Variants in ATAD1 observed in about 807,000 individuals in gnomAD.
The protein encoded by ATAD1 is ATPase family AAA domain containing 1.
Under a neutral mutation model 42.7 loss-of-function variants are expected in ATAD1, and 18 were observed. That is an observed-to-expected ratio of 0.42 (90% CI 0.29 to 0.63). ATAD1 has a LOEUF of 0.63. Among genes scored for constraint, ATAD1 ranks in the 20% least tolerant of loss-of-function variants. The probability of loss-of-function intolerance (pLI) is 0.19; values close to 1 mark genes in which losing one functional copy is unlikely to be tolerated. For synonymous variants in ATAD1, 132 were observed against 143.1 expected, an observed-to-expected ratio of 0.92 and a Z score of 0.55; for missense variants, 294 against 440.4, an observed-to-expected ratio of 0.67 and a Z score of 2.98.
At chr10:87,771,384 A>G (rs1396592823) in intron 6 of ATAD1, among the ~76,000 whole-genome samples, 2 of 152,168 alleles carry the variant, frequency 1.3e-5, no homozygotes, top group African/African-American at 4.8e-5. Context: ...TAATGAATAC[A>G]TGTTGAATGA....
At chr10:87,769,201 C>T (rs1739236041) in intron 7 of ATAD1, among the ~76,000 whole-genome samples, 2 of 152,310 alleles carry the variant, frequency 1.3e-5, no homozygotes, top group East Asian at 1.9e-4. Flanking sequence ...GTTCTGATGT[C>T]TTGCTTACAA....
chr10:87,770,121 CATCA>C (rs1394643188), intron 7 of ATAD1, among the ~76,000 whole-genome samples: 1 of 152,096 alleles, frequency 6.6e-6, no homozygotes, highest in Non-Finnish European at 1.5e-5. Context: ...AGTCCATAAC[CATCA>C]ATCTTTCAGA....
intron 2 of ATAD1, among the ~76,000 whole-genome samples, chr10:87,794,208 A>G (rs1229044598): frequency 2.6e-5 from 4 of 152,148 alleles, no homozygotes; most frequent in African/African-American, 9.7e-5. Context: ...CAAGAGACAA[A>G]TCTTGTCTCA....
chr10:87,753,372 A>C lies in ATAD1; in HGVS notation c.*1315T>G, dbSNP rs1008044215. 6.6e-6 allele frequency: 1 copy of C among 152,214 alleles called. No homozygotes were observed. The highest frequency in any genetic ancestry group is 2.4e-5 in the African/African-American group (1 of 41,454). 9.4% of individuals were successfully genotyped at this position (152,214 alleles called of 1,614,324 possible). On this transcript the variant is annotated 3_prime_UTR_variant, in exon 10 of 10. Coordinates refer to ENST00000680024, the MANE Select transcript of ATAD1 (RefSeq NM_001321967.2). ...TAAATTAATCCAGTGACACATGAAT[A>C]AAGATTTAGAGTTTTTAAAGAAATA...
At chr10:87,792,830 A>G in intron 2 of ATAD1, 75 bp from the exon 3 acceptor site, 1 of 1,091,556 alleles carries the variant, frequency 9.2e-7, no homozygotes, top group Non-Finnish European at 1.4e-6. Context: ...ATATATGTGA[A>G]GTCTAAAGAG....
intron 4 of ATAD1, among the ~76,000 whole-genome samples, 192 bp from the exon 5 acceptor site, chr10:87,784,862 G>A (rs886999600): frequency 6.6e-6 from 1 of 152,188 alleles, no homozygotes; most frequent in African/African-American, 2.4e-5. Context: ...TCAGTTAAGA[G>A]CATGTATTTG....
intron 6 of ATAD1, among the ~76,000 whole-genome samples, chr10:87,775,985 A>G (rs1331894302): frequency 6.6e-6 from 1 of 152,138 alleles, no homozygotes; most frequent in Non-Finnish European, 1.5e-5. Context: ...ACAGTTTTTT[A>G]AAAAAATGTA....
chr10:87,802,721 A>G (rs1299243818), intron 2 of ATAD1, among the ~76,000 whole-genome samples: 2 of 152,168 alleles, frequency 1.3e-5, no homozygotes, highest in African/African-American at 4.8e-5. Flanking sequence ...ATTAGAAGAA[A>G]GCAAATCAGT....
chr10:87,814,250 AAATGACT>A (rs1002374558), intron 2 of ATAD1, among the ~76,000 whole-genome samples, 181 bp downstream of exon 2: 51 of 152,262 alleles, frequency 3.3e-4, no homozygotes, highest in Admixed American at 2.2e-3. Context: ...ATATAGTAAA[AAATGACT>A]TGAAATAATG....
intron 9 of ATAD1, among the ~76,000 whole-genome samples, chr10:87,755,994 A>G (rs1181336977): frequency 6.6e-6 from 1 of 152,236 alleles, no homozygotes; most frequent in Non-Finnish European, 1.5e-5. Context: ...ACCAGTTGAC[A>G]GAGTAGCTTT....
upstream of ATAD1, among the ~76,000 whole-genome samples, chr10:87,821,894 A>C (rs1857638299): frequency 6.6e-6 from 1 of 152,210 alleles, no homozygotes; most frequent in Non-Finnish European, 1.5e-5. Flanking sequence ...TATTTTGAGA[A>C]ATTCTGCCCT....
chr10:87,802,300 C>T (rs1302296965), intron 2 of ATAD1, among the ~76,000 whole-genome samples: 2 of 152,188 alleles, frequency 1.3e-5, no homozygotes, highest in Non-Finnish European at 2.9e-5. Flanking sequence ...CTTATCTACA[C>T]AGTCCCTGTA....
At chr10:87,825,366 G>A (rs1483747218) in intron 1 of ATAD1, among the ~76,000 whole-genome samples, 1 of 146,092 alleles carries the variant, frequency 6.8e-6, no homozygotes, top group Non-Finnish European at 1.5e-5. Flanking sequence ...CTGGAGTGCA[G>A]TGGCGCAATC....
At chr10:87,815,548 T>C (rs1433278983) in intron 1 of ATAD1, among the ~76,000 whole-genome samples, 1 of 151,908 alleles carries the variant, frequency 6.6e-6, no homozygotes, top group Non-Finnish European at 1.5e-5. Context: ...TACATAAACA[T>C]GAAAAAAAAC....
intron 2 of ATAD1, among the ~76,000 whole-genome samples, chr10:87,813,026 C>G (rs1431689433): frequency 2.0e-5 from 3 of 152,154 alleles, no homozygotes; most frequent in Non-Finnish European, 2.9e-5. Context: ...CTATCATGGG[C>G]ACTATGAAGG....
At chr10:87,798,425 C>T (rs1471173330) in intron 2 of ATAD1, among the ~76,000 whole-genome samples, 2 of 152,110 alleles carry the variant, frequency 1.3e-5, no homozygotes, top group Non-Finnish European at 2.9e-5. Context: ...AAAAAGAACC[C>T]TAAGGTCGAC....
At chr10:87,794,218 A>G (rs1015047009) in intron 2 of ATAD1, among the ~76,000 whole-genome samples, 3 of 152,192 alleles carry the variant, frequency 2.0e-5, no homozygotes, top group South Asian at 2.1e-4. Flanking sequence ...ATCTTGTCTC[A>G]TAAGAATTTT....
At chr10:87,840,779 C>A (rs550543358) in intron 1 of ATAD1, among the ~76,000 whole-genome samples, 1 of 152,092 alleles carries the variant, frequency 6.6e-6, no homozygotes, top group South Asian at 2.1e-4. Flanking sequence ...GTGTCCCATA[C>A]CAAAGTGTAG....
chr10:87,838,922 G>A (rs1460358261), intron 1 of ATAD1, among the ~76,000 whole-genome samples: 1 of 152,140 alleles, frequency 6.6e-6, no homozygotes, highest in Admixed American at 6.5e-5. Context: ...ATGGTATTTT[G>A]TTTTGGCACC....
Sources: gnomAD v4.1 joint callset for allele counts (sites outside exome capture counted in the v4.1 genomes callset) on GRCh38, gnomAD v4.1.1 for gene constraint, MANE v1.5 for transcripts, NCBI Gene and HGNC (gene_info 2026-07-23, HGNC 2026-07-21) for gene names.